Variants in RNLS observed in about 807,000 individuals in gnomAD.
The protein encoded by RNLS is renalase, FAD dependent amine oxidase.
In RNLS, 39 loss-of-function variants were observed where a neutral mutation model predicts 39.8. The ratio of observed to expected loss-of-function variants is 0.98; its 90% CI spans 0.76 to 1.28. The LOEUF is 1.28. Among genes scored for constraint, RNLS ranks in the 50% most tolerant of loss-of-function variants. The pLI, the probability that RNLS is intolerant of heterozygous loss-of-function variation, is 0.00. For synonymous variants in RNLS, 147 were observed against 150.7 expected (o/e 0.98, Z 0.18); for missense variants, 410 against 413.3 (o/e 0.99, Z 0.07).
chr10:88,527,753 G>C (rs958411868), intron 4 of RNLS, among the ~76,000 whole-genome samples: 4 of 151,510 alleles, frequency 2.6e-5, no homozygotes, highest in African/African-American at 9.7e-5. Context: ...GACAGCCAAG[G>C]GTCACCCATT....
At chr10:88,566,496 A>T (rs1486895305) in intron 4 of RNLS, among the ~76,000 whole-genome samples, 1 of 152,156 alleles carries the variant, frequency 6.6e-6, no homozygotes, top group Non-Finnish European at 1.5e-5. Context: ...GAACCTAAGA[A>T]ATGAGCTGAT....
chr10:88,295,052 A>T (rs1010465963), intron 6 of RNLS, among the ~76,000 whole-genome samples: 8 of 152,146 alleles, frequency 5.3e-5, no homozygotes, highest in African/African-American at 1.9e-4. Flanking sequence ...GATTTAATTT[A>T]AAAAATTCTT....
rs1217903555 is a variant in RNLS, at chr10:88,310,824, A to AAAAAG, written c.876+3641_876+3642insCTTTT. Among the ~76,000 whole-genome samples the AAAAAG allele has an allele frequency of 1.1e-3, 123 of 113,374 alleles. 3 individuals are homozygous for AAAAAG. Among genetic ancestry groups the AAAAAG allele is most frequent in the Non-Finnish European group, 1.6e-3 (86 of 52,398 alleles). The allele number at this position is 113,374 out of a possible 152,430, so 74.4% of individuals were successfully genotyped here. On this transcript the variant is annotated intron_variant, in intron 6 of 6. Transcript: ENST00000331772. The stretch of plus-strand genomic sequence containing the variant: ...GCCAAAAAAAAAAAAAAAAAAAAAA[A>AAAAAG]AAAGAAAGAAAAGGAAGAGAAAAGG...
At chr10:88,493,574 T>C (rs1845003442) in intron 4 of RNLS, among the ~76,000 whole-genome samples, 1 of 152,172 alleles carries the variant, frequency 6.6e-6, no homozygotes, top group South Asian at 2.1e-4. Context: ...TTTTAAAAAA[T>C]GAGTGATCTA....
chr10:88,366,691 A>AAT (rs71022526), intron 4 of RNLS, among the ~76,000 whole-genome samples: 2 of 148,736 alleles, frequency 1.3e-5, no homozygotes, highest in Non-Finnish European at 3.0e-5. Flanking sequence ...AAAAAAAAAA[A>AAT]GGAAATCCAC....
At chr10:88,445,715 C>G (rs1589806106) in intron 4 of RNLS, among the ~76,000 whole-genome samples, 1 of 152,066 alleles carries the variant, frequency 6.6e-6, no homozygotes, top group Admixed American at 6.6e-5. Flanking sequence ...AAGAGACAAA[C>G]AAGGCCATTA....
chr10:88,571,762 C>T (rs767210163), intron 4 of RNLS, among the ~76,000 whole-genome samples: 1 of 152,142 alleles, frequency 6.6e-6, no homozygotes, highest in South Asian at 2.1e-4. Context: ...CTCACATGTG[C>T]CTTTTGCTGA....
intron 4 of RNLS, among the ~76,000 whole-genome samples, chr10:88,413,083 T>TC: frequency 6.6e-6 from 1 of 152,150 alleles, no homozygotes; most frequent in Non-Finnish European, 1.5e-5. Flanking sequence ...TGAAGTCAGA[T>TC]TAACTGTCTG....
At chr10:88,437,798 G>C (rs748021733) in intron 4 of RNLS, among the ~76,000 whole-genome samples, 2 of 151,996 alleles carry the variant, frequency 1.3e-5, no homozygotes, top group Admixed American at 6.5e-5. Context: ...AAATCTGCTG[G>C]GTGCTTCTGG....
chr10:88,380,995 C>CTGTT (rs776783954), intron 4 of RNLS, among the ~76,000 whole-genome samples: 5 of 152,246 alleles, frequency 3.3e-5, no homozygotes, highest in South Asian at 4.1e-4. Context: ...AACCATTAAA[C>CTGTT]TGTTTGATCA....
the RNLS span, among the ~76,000 whole-genome samples, chr10:88,187,148 A>G: frequency 1.4e-5 from 2 of 139,482 alleles, no homozygotes; most frequent in African/African-American, 2.7e-5. Context: ...CTCAAAAAAT[A>G]TATATATATA....
intron 4 of RNLS, among the ~76,000 whole-genome samples, chr10:88,370,974 G>A (rs1168252225): frequency 6.6e-6 from 1 of 152,112 alleles, no homozygotes; most frequent in African/African-American, 2.4e-5. Context: ...GTTTATTGGT[G>A]ACAGACTTCA....
At chr10:88,529,874 T>C (rs1847315481) in intron 4 of RNLS, among the ~76,000 whole-genome samples, 1 of 152,176 alleles carries the variant, frequency 6.6e-6, no homozygotes, top group African/African-American at 2.4e-5. Flanking sequence ...CACTTACTTG[T>C]TTCTTCTCCC....
intron 4 of RNLS, among the ~76,000 whole-genome samples, chr10:88,408,944 T>C (rs970737784): frequency 6.6e-6 from 1 of 152,154 alleles, no homozygotes; most frequent in South Asian, 2.1e-4. Flanking sequence ...AATGATGTGT[T>C]GAGAACAAAA....
chr10:88,571,806 T>A (rs1276164767), intron 4 of RNLS, among the ~76,000 whole-genome samples: 1 of 152,180 alleles, frequency 6.6e-6, no homozygotes, highest in Non-Finnish European at 1.5e-5. Context: ...GATCTCAGAG[T>A]TGACTTAGAA....
intron 6 of RNLS, among the ~76,000 whole-genome samples, chr10:88,308,712 C>T (rs571932620): frequency 7.9e-5 from 12 of 152,058 alleles, no homozygotes; most frequent in Non-Finnish European, 1.6e-4. Flanking sequence ...GACAGTGTGG[C>T]GATTCCTTAA....
Position 88,284,238 on chromosome 10 carries a change from A to G in RNLS, c.*1116T>C, listed in dbSNP as rs1843126481. The G allele has an allele frequency of 2.0e-6, 2 of 985,414 alleles. No individual in the cohort carries two copies. The highest frequency in any genetic ancestry group is 3.5e-5 in the African/African-American group (2 of 57,368). 61.0% of individuals were successfully genotyped at this position (985,414 alleles called of 1,614,324 possible). A position where few individuals can be genotyped will look rare whatever the true frequency, so the allele number is the denominator to read the frequency against. On this transcript the variant is annotated 3_prime_UTR_variant, in exon 7 of 7. Coordinates refer to ENST00000331772, the MANE Select transcript of RNLS (RefSeq NM_001031709.3). ...TGTATGTGTATGTATGACAGTGGAC[A>G]TGTAAGTGTGAAACTTTAAACACTA...
At chr10:88,190,779 T>TA in the RNLS span, among the ~76,000 whole-genome samples, 2 of 152,316 alleles carry the variant, frequency 1.3e-5, no homozygotes, top group Non-Finnish European at 2.9e-5. Context: ...TCTTCTCAGA[T>TA]CATAGTTCAT....
chr10:88,477,495 G>A (rs889369764), intron 4 of RNLS, among the ~76,000 whole-genome samples: 1 of 152,156 alleles, frequency 6.6e-6, no homozygotes, highest in African/African-American at 2.4e-5. Context: ...GGTGACAACA[G>A]CAACGCTGAT....
Sources: allele counts gnomAD v4.1 joint callset (sites outside exome capture counted in the v4.1 genomes callset), GRCh38; gene constraint gnomAD v4.1.1; transcripts MANE v1.5; gene names NCBI Gene and HGNC (gene_info 2026-07-23, HGNC 2026-07-21).